The following RIN2 variants were observed in gnomAD, a reference collection of about 807,000 sequenced individuals.
RIN2 encodes Ras and Rab interactor 2.
RIN2 carries 36 observed loss-of-function variants against 78.0 expected under a neutral mutation model. The observed-to-expected ratio is 0.46, with a 90% confidence interval of 0.35 to 0.61. The LOEUF (loss-of-function observed/expected upper bound fraction) is 0.61. RIN2 is among the 20% of genes least tolerant of loss of function. The probability of loss-of-function intolerance (pLI) is 0.00; values close to 1 mark genes in which losing one functional copy is unlikely to be tolerated. For synonymous variants in RIN2, 466 were observed against 466.8 expected (o/e 1.00, Z 0.02); for missense variants, 1,087 against 1,159.7 (o/e 0.94, Z 0.91).
chr20:19,876,747 A>C (rs2037866620), intron 2 of RIN2, among the ~76,000 whole-genome samples: 1 of 152,128 alleles, frequency 6.6e-6, no homozygotes, highest in African/African-American at 2.4e-5. Context: ...TCTACTAAAA[A>C]TACAAAAATT....
chr20:19,924,416 AACCCTACTTTCATAC>A (rs2040106829), intron 3 of RIN2, among the ~76,000 whole-genome samples: 1 of 6,394 alleles, frequency 1.6e-4, no homozygotes. Flanking sequence ...ACCTCTTCAT[AACCCTACTTTCATAC>A]CCCCACCTTC....
At chr20:19,959,688 G>T (rs917472176) in intron 5 of RIN2, among the ~76,000 whole-genome samples, 1 of 152,228 alleles carries the variant, frequency 6.6e-6, no homozygotes, top group South Asian at 2.1e-4. Context: ...TAGGTAGAGA[G>T]TAAGGTGTTT....
At chr20:19,916,254 A>G (rs931921339) in intron 3 of RIN2, among the ~76,000 whole-genome samples, 1 of 152,154 alleles carries the variant, frequency 6.6e-6, no homozygotes, top group African/African-American at 2.4e-5. Flanking sequence ...AAACAAACAA[A>G]CAAACAAAAC....
intron 1 of RIN2, among the ~76,000 whole-genome samples, chr20:19,770,885 C>A (rs914306979): frequency 1.4e-4 from 18 of 125,776 alleles, no homozygotes; most frequent in Non-Finnish European, 2.2e-4. Context: ...CCCCCCCCCC[C>A]ACCTTCCCAC....
At chr20:19,808,923 C>T (rs945838356) in intron 2 of RIN2, among the ~76,000 whole-genome samples, 2 of 152,186 alleles carry the variant, frequency 1.3e-5, no homozygotes, top group Non-Finnish European at 2.9e-5. Flanking sequence ...TAAAGGGATG[C>T]GGTCCAGGGC....
chr20:19,956,743 T>C lies in RIN2; in HGVS notation c.287T>C (p.Ile96Thr), dbSNP rs1273118551. Residue 96 changes from isoleucine (I) to threonine (T), a missense_variant, in exon 5 of 13, where the codon ATA becomes ACA. Coordinates refer to ENST00000255006, the MANE Select transcript of RIN2 (RefSeq NM_018993.4). ...GACCGGCTCCTCCACACCCACCCCA[T>C]ATGGCTGCAGCTGAGTCTGAGTGAG... ...ILDRLLHTHP[I>T]WLQLSLSEEE... 4 of 1,608,674 alleles carry C rather than the reference T, an allele frequency of 2.5e-6. No individual in the cohort carries two copies. The Admixed American group carries it at 5.1e-5, about 20-fold the overall frequency.
intron 2 of RIN2, among the ~76,000 whole-genome samples, chr20:19,846,895 G>A (rs1482192021): frequency 6.6e-6 from 1 of 152,140 alleles, no homozygotes; most frequent in South Asian, 2.1e-4. Context: ...ATGGGCAGGG[G>A]CACCAGTTAC....
At chr20:19,818,932 T>C (rs971839576) in intron 2 of RIN2, among the ~76,000 whole-genome samples, 1 of 152,230 alleles carries the variant, frequency 6.6e-6, no homozygotes, top group African/African-American at 2.4e-5. Context: ...GATATATTTG[T>C]GTTAACATGA....
chr20:19,810,197 G>A (rs1450293628), intron 2 of RIN2, among the ~76,000 whole-genome samples: 3 of 149,202 alleles, frequency 2.0e-5, no homozygotes, highest in East Asian at 2.0e-4. Flanking sequence ...TCAGGAGTTC[G>A]AGACCAGCCT....
chr20:19,819,159 T>C (rs2035858591), intron 2 of RIN2, among the ~76,000 whole-genome samples: 1 of 152,240 alleles, frequency 6.6e-6, no homozygotes, highest in Admixed American at 6.5e-5. Flanking sequence ...TACCATAGGC[T>C]GGGTGGCTTA....
chr20:19,938,442 C>A (rs940987242), intron 4 of RIN2, among the ~76,000 whole-genome samples: 24 of 151,970 alleles, frequency 1.6e-4, no homozygotes, highest in African/African-American at 5.3e-4. Context: ...CCAGGTGTGT[C>A]TCAGACCCCT....
intron 2 of RIN2, among the ~76,000 whole-genome samples, chr20:19,832,992 C>T (rs1205907045): frequency 6.6e-6 from 1 of 152,122 alleles, no homozygotes; most frequent in Admixed American, 6.6e-5. Context: ...TGCTCCAGAG[C>T]CTAATGAAAT....
intron 2 of RIN2, among the ~76,000 whole-genome samples, chr20:19,840,759 C>T (rs1414095312): frequency 3.3e-5 from 5 of 152,184 alleles, no homozygotes; most frequent in Non-Finnish European, 7.4e-5. Flanking sequence ...GAGCATTTTT[C>T]ATGCATGTTC....
chr20:19,946,427 C>T (rs1312926626), intron 4 of RIN2, among the ~76,000 whole-genome samples: 1 of 152,170 alleles, frequency 6.6e-6, no homozygotes, highest in Non-Finnish European at 1.5e-5. Flanking sequence ...ACAGGATGAT[C>T]TTCCCAGGCC....
At chr20:19,776,413 C>G (rs2034311584) in intron 1 of RIN2, among the ~76,000 whole-genome samples, 1 of 152,186 alleles carries the variant, frequency 6.6e-6, no homozygotes, top group Non-Finnish European at 1.5e-5. Context: ...GATAATAACT[C>G]TTGCAACCAA....
In RIN2 at chr20:19,990,244, G is replaced by T; in HGVS notation, c.2001G>T (p.Pro667=). ...KFMTMQKMYS[P]EKKVMLLLRV... is the part of the protein sequence containing the mutation. ...TGACCATGCAGAAGATGTATTCGCC[G>T]GAAAAGAAGGTCATGCTGCTGCTGC... The change falls in exon 10 of 13, where the codon CCG becomes CCT. Residue 667 remains proline, a synonymous_variant. Coordinates refer to ENST00000255006, the MANE Select transcript of RIN2 (RefSeq NM_018993.4). 6.2e-7 allele frequency: 1 copy of T among 1,613,248 alleles called. No homozygotes were observed. Among genetic ancestry groups the T allele is most frequent in the Non-Finnish European group, 8.5e-7 (1 of 1,179,610 alleles).
intron 2 of RIN2, among the ~76,000 whole-genome samples, chr20:19,814,805 G>A (rs565639440): frequency 1.4e-3 from 212 of 151,290 alleles, no homozygotes; most frequent in Non-Finnish European, 2.2e-3. Context: ...TGCCCAGTCT[G>A]GCTTTGAACT....
At chr20:19,776,624 C>T (rs1035306436) in intron 1 of RIN2, among the ~76,000 whole-genome samples, 9 of 151,488 alleles carry the variant, frequency 5.9e-5, no homozygotes, top group Non-Finnish European at 2.9e-5. Context: ...CCCAGCTACT[C>T]GGGAGGCTGA....
intron 9 of RIN2, among the ~76,000 whole-genome samples, chr20:19,984,879 T>C (rs6035501): frequency 0.39 from 59,587 of 152,064 alleles, 14,077 homozygotes; most frequent in East Asian, 0.72. Context: ...ACTCTGGGTG[T>C]GGTTAGATTC....
Sources: gnomAD v4.1 joint callset for allele counts (sites outside exome capture counted in the v4.1 genomes callset) on GRCh38, gnomAD v4.1.1 for gene constraint, MANE v1.5 for transcripts, NCBI Gene and HGNC (gene_info 2026-07-23, HGNC 2026-07-21) for gene names.